KHDRBS3: variants seen among roughly 807,000 people sequenced by gnomAD.
KHDRBS3 encodes the protein KH RNA binding domain containing, signal transduction associated 3, also known as KH domain-containing, RNA-binding, signal transduction-associated protein 3.
Under a neutral mutation model 45.6 loss-of-function variants are expected in KHDRBS3, and 23 were observed. That is an observed-to-expected ratio of 0.50 (90% confidence interval 0.36 to 0.72). KHDRBS3 has a LOEUF of 0.72. Ranked by LOEUF, KHDRBS3 falls within the 30% of genes least tolerant of loss-of-function variation. The pLI is 0.00. For missense variants in KHDRBS3, 352 were observed against 424.8 expected, an observed-to-expected ratio of 0.83 and a Z score of 1.51; for synonymous variants, 162 against 156.5, an observed-to-expected ratio of 1.04 and a Z score of -0.26.
At chr8:135,625,426 C>T (rs1475290621) in intron 7 of KHDRBS3, 11 of 772,756 alleles carry the variant, frequency 1.4e-5, no homozygotes, top group African/African-American at 6.8e-5. Flanking sequence ...GTGCCCATTG[C>T]GCACACCAGG....
In KHDRBS3 at chr8:135,502,176, T is replaced by A. The variant is rs114873249; in HGVS notation, c.89-19061T>A. Reference sequence around the variant, plus strand: ...TCTCTTTCCGAGCTATGAATCTTCCTGCTACTGCCCTATATAAATGTCTCC... The same window carrying A: ...TCTCTTTCCGAGCTATGAATCTTCCAGCTACTGCCCTATATAAATGTCTCC... On this transcript the variant is annotated intron_variant, in intron 1 of 8. Coordinates refer to ENST00000355849, the MANE Select transcript of KHDRBS3 (RefSeq NM_006558.3). Among the ~76,000 whole-genome samples, 174 of 152,306 alleles carry A rather than the reference T, an allele frequency of 1.1e-3. 1 individual carries two copies. Among genetic ancestry groups the A allele is most frequent in the African/African-American group, 4.0e-3 (166 of 41,584 alleles).
At chr8:135,510,624 A>G (rs11166595) in intron 1 of KHDRBS3, among the ~76,000 whole-genome samples, 121,910 of 152,168 alleles carry the variant, frequency 0.8, 49,367 homozygotes, top group East Asian at 0.96. Flanking sequence ...TAGTAGAGAC[A>G]GGGTTTCACC....
At chr8:135,468,685 T>G (rs1212520787) in intron 1 of KHDRBS3, among the ~76,000 whole-genome samples, 7 of 152,230 alleles carry the variant, frequency 4.6e-5, no homozygotes, top group Admixed American at 6.5e-5. Context: ...GCAGAGAAAC[T>G]AGGAGCCCAG....
intron 1 of KHDRBS3, among the ~76,000 whole-genome samples, chr8:135,472,983 A>G (rs116986210): frequency 0.016 from 2,375 of 152,278 alleles, 28 homozygotes; most frequent in Middle Eastern, 0.024. Context: ...GCATGACTAA[A>G]TAAAAAGTTT....
intron 6 of KHDRBS3, among the ~76,000 whole-genome samples, chr8:135,604,981 A>G (rs1321392948): frequency 1.4e-5 from 2 of 146,978 alleles, no homozygotes; most frequent in Non-Finnish European, 3.0e-5. Flanking sequence ...TCTGGCCTTT[A>G]TAGTTTTTGT....
intron 7 of KHDRBS3, chr8:135,625,839 A>G (rs1830333262): frequency 1.7e-5 from 13 of 769,536 alleles, no homozygotes; most frequent in Non-Finnish European, 3.1e-5. Context: ...CAGCATGTCC[A>G]TAAACTGACA....
chr8:135,547,383 C>T (rs1826362148), intron 3 of KHDRBS3, among the ~76,000 whole-genome samples: 1 of 152,154 alleles, frequency 6.6e-6, no homozygotes, highest in Non-Finnish European at 1.5e-5. Flanking sequence ...TTATATAAAG[C>T]TGTGCCTTGT....
At chr8:135,632,652 A>G (rs1830653510) in intron 7 of KHDRBS3, among the ~76,000 whole-genome samples, 1 of 151,924 alleles carries the variant, frequency 6.6e-6, no homozygotes, top group Admixed American at 6.6e-5. Flanking sequence ...TCTATAAATG[A>G]TAATTCTGTT....
intron 1 of KHDRBS3, among the ~76,000 whole-genome samples, chr8:135,465,668 C>T (rs1434390755): frequency 1.3e-5 from 2 of 152,176 alleles, no homozygotes; most frequent in Non-Finnish European, 2.9e-5. Context: ...CATGTCTGGA[C>T]ACCCAGCAGC....
chr8:135,645,055 G>C lies in KHDRBS3; in HGVS notation c.891-4G>C, dbSNP rs376237232. On this transcript the variant is annotated splice_region_variant and splice_polypyrimidine_tract_variant and intron_variant, in intron 7 of 8. Transcript: ENST00000355849. ...GTCCTTTGTTTTGTTTTGATCACTT[G>C]CAGTGGTGCTGATTACTATGATTAC... The C allele has an allele frequency of 2.7e-5, 43 of 1,612,738 alleles. No individual in the cohort carries two copies. Among genetic ancestry groups the C allele is most frequent in the Non-Finnish European group, 3.5e-5 (41 of 1,179,836 alleles).
At chr8:135,544,168 G>A (rs936779954) in intron 3 of KHDRBS3, among the ~76,000 whole-genome samples, 2 of 152,116 alleles carry the variant, frequency 1.3e-5, no homozygotes, top group African/African-American at 4.8e-5. Flanking sequence ...TGGGCTGCAC[G>A]ATATGAGCAG....
chr8:135,606,899 T>G lies in KHDRBS3; in HGVS notation c.808-56T>G, dbSNP rs1415495865. On this transcript the variant is annotated intron_variant, in intron 6 of 8. Transcript: ENST00000355849. ...GGAAATTCACTAAAAGCAGAATGCT[T>G]CTTTCTTTTTAGAAACTTCTCTGAA... is the stretch of plus-strand genomic sequence containing the variant. The G allele has an allele frequency of 1.5e-5, 21 of 1,360,066 alleles. No individual in the cohort carries two copies. The African/African-American group carries it at 2.7e-4, about 18-fold the overall frequency. The allele number at this position is 1,360,066 out of a possible 1,614,324, so 84.2% of individuals were successfully genotyped here.
At chr8:135,582,195 T>C in intron 6 of KHDRBS3, 122 bp downstream of exon 6, 1 of 967,192 alleles carries the variant, frequency 1.0e-6, no homozygotes. Context: ...TTCTACTTTG[T>C]TTCAGCAAAT....
At chr8:135,635,015 TG>T (rs1175862529) in intron 7 of KHDRBS3, among the ~76,000 whole-genome samples, 1 of 152,202 alleles carries the variant, frequency 6.6e-6, no homozygotes, top group Non-Finnish European at 1.5e-5. Flanking sequence ...AGTACATTGC[TG>T]TGGTGTGGGG....
intron 1 of KHDRBS3, among the ~76,000 whole-genome samples, chr8:135,476,643 T>C (rs1272011465): frequency 6.6e-6 from 1 of 152,162 alleles, no homozygotes; most frequent in Non-Finnish European, 1.5e-5. Flanking sequence ...ACTGTTACCA[T>C]TGAGTAGATG....
At chr8:135,551,278 C>T (rs1826584491) in intron 4 of KHDRBS3, among the ~76,000 whole-genome samples, 1 of 151,960 alleles carries the variant, frequency 6.6e-6, no homozygotes, top group African/African-American at 2.4e-5. Context: ...TTCCATTCCA[C>T]TCCATTCCGT....
chr8:135,519,686 C>G (rs1047672118), intron 1 of KHDRBS3, among the ~76,000 whole-genome samples: 1 of 152,196 alleles, frequency 6.6e-6, no homozygotes, highest in Non-Finnish European at 1.5e-5. Flanking sequence ...ATTGCAAAGA[C>G]AATTATTAGC....
intron 1 of KHDRBS3, among the ~76,000 whole-genome samples, chr8:135,485,162 C>T (rs921342648): frequency 6.6e-6 from 1 of 150,480 alleles, no homozygotes; most frequent in Admixed American, 6.7e-5. Context: ...CATGTCTGTC[C>T]CCACTACAAT....
At chr8:135,490,446 A>G (rs1295173829) in intron 1 of KHDRBS3, among the ~76,000 whole-genome samples, 3 of 152,100 alleles carry the variant, frequency 2.0e-5, no homozygotes, top group Non-Finnish European at 4.4e-5. Flanking sequence ...TAATAGTGTC[A>G]AAGTCACTTT....
Sources: allele counts gnomAD v4.1 joint callset (sites outside exome capture counted in the v4.1 genomes callset), GRCh38; gene constraint gnomAD v4.1.1; transcripts MANE v1.5; gene names NCBI Gene and HGNC (gene_info 2026-07-23, HGNC 2026-07-21).